MYO9A: variants seen among roughly 807,000 people sequenced by gnomAD.
The protein encoded by MYO9A is unconventional myosin-IXa.
A neutral mutation model predicts 293.3 loss-of-function variants in MYO9A; 103 were observed. The observed-to-expected ratio is 0.35, with a 90% CI of 0.30 to 0.41. The LOEUF (loss-of-function observed/expected upper bound fraction) is 0.41, where lower values mean the gene tolerates loss of function less well. Among genes scored for constraint, MYO9A ranks in the 10% least tolerant of loss-of-function variants. MYO9A has a pLI of 1.00. For missense variants in MYO9A, 2,685 were observed against 3,033.0 expected, an observed-to-expected ratio of 0.89 and a Z score of 2.69; for synonymous variants, 1,001 against 1,035.7, an observed-to-expected ratio of 0.97 and a Z score of 0.64.
At chr15:71,988,688 T>C (rs765208209) in intron 11 of MYO9A, among the ~76,000 whole-genome samples, 2 of 152,206 alleles carry the variant, frequency 1.3e-5, no homozygotes, top group African/African-American at 2.4e-5. Context: ...TCTGTAGACC[T>C]GCTAGCTGTT....
At chr15:71,858,596 G>A (rs573956047) in intron 34 of MYO9A, 138 of 151,214 alleles carry the variant, frequency 9.1e-4, no homozygotes, top group Non-Finnish European at 1.6e-3. Context: ...CCCTGAATGC[G>A]CCCGATCTCT....
chr15:71,932,993 A>G (rs2058521980), intron 18 of MYO9A, among the ~76,000 whole-genome samples: 2 of 151,908 alleles, frequency 1.3e-5, no homozygotes, highest in Admixed American at 1.3e-4. Context: ...TGAAACAACA[A>G]CCCCTGCAAA....
At chr15:72,046,759 T>C in intron 1 of MYO9A, 125 bp from the exon 2 acceptor site, 1 of 520,468 alleles carries the variant, frequency 1.9e-6, no homozygotes, top group South Asian at 5.3e-5. Flanking sequence ...ACTCTTGTCT[T>C]AGCACAGCAA....
chr15:71,996,266 A>C (rs1430720444), intron 9 of MYO9A, among the ~76,000 whole-genome samples: 1 of 152,218 alleles, frequency 6.6e-6, no homozygotes, highest in South Asian at 2.1e-4. Context: ...TATCACAATA[A>C]ATTTTATGAA....
At chr15:72,070,685 T>G (rs2079164656) in intron 1 of MYO9A, among the ~76,000 whole-genome samples, 1 of 151,702 alleles carries the variant, frequency 6.6e-6, no homozygotes, top group Admixed American at 6.6e-5. Context: ...TAAGATTCCA[T>G]CTCAAAAAAG....
chr15:71,932,993 AC>A (rs2058522050), intron 18 of MYO9A, among the ~76,000 whole-genome samples: 1 of 151,908 alleles, frequency 6.6e-6, no homozygotes, highest in Non-Finnish European at 1.5e-5. Context: ...TGAAACAACA[AC>A]CCCTGCAAAA....
At chr15:71,849,714 C>T (rs1429001638) in intron 38 of MYO9A, among the ~76,000 whole-genome samples, 4 of 42,496 alleles carry the variant, frequency 9.4e-5, no homozygotes, top group Non-Finnish European at 5.5e-4. Flanking sequence ...GATTCAGAGC[C>T]ATTAAGACCA....
At chr15:71,998,100 A>G (rs773745634) in intron 9 of MYO9A, among the ~76,000 whole-genome samples, 1 of 152,224 alleles carries the variant, frequency 6.6e-6, no homozygotes, top group African/African-American at 2.4e-5. Context: ...CACTGGATAA[A>G]TAAATGTGGT....
intron 18 of MYO9A, among the ~76,000 whole-genome samples, chr15:71,927,111 C>T (rs993111486): frequency 2.6e-5 from 4 of 152,208 alleles, no homozygotes; most frequent in African/African-American, 7.2e-5. Context: ...ACAGGAGCTG[C>T]ACTGTCAGGG....
chr15:71,947,590 T>C (rs2058949238), intron 15 of MYO9A, among the ~76,000 whole-genome samples: 1 of 152,226 alleles, frequency 6.6e-6, no homozygotes, highest in African/African-American at 2.4e-5. Context: ...GTTTCCCAGA[T>C]ATATCTGTTA....
chr15:71,915,163 T>C (rs1031761329), intron 19 of MYO9A, among the ~76,000 whole-genome samples: 1 of 152,136 alleles, frequency 6.6e-6, no homozygotes, highest in Admixed American at 6.5e-5. Flanking sequence ...CATGATTTTT[T>C]TTTCTATAAC....
chr15:72,050,657 A>T (rs1382146123), intron 1 of MYO9A, among the ~76,000 whole-genome samples: 4 of 152,090 alleles, frequency 2.6e-5, no homozygotes, highest in Non-Finnish European at 4.4e-5. Context: ...ATTTTTTTTT[A>T]AATGTACATT....
At chr15:72,042,379 G>A (rs2078254443) in intron 2 of MYO9A, among the ~76,000 whole-genome samples, 1 of 151,926 alleles carries the variant, frequency 6.6e-6, no homozygotes, top group African/African-American at 2.4e-5. Context: ...CCCTCATGAT[G>A]TAATTCACAT....
At chr15:71,897,414 T>C (rs2057360477) in intron 25 of MYO9A, 47 bp downstream of exon 25, 2 of 1,520,978 alleles carry the variant, frequency 1.3e-6, no homozygotes, top group African/African-American at 1.4e-5. Flanking sequence ...TTAATAAAAA[T>C]ACTCCAAGAA....
intron 39 of MYO9A, among the ~76,000 whole-genome samples, chr15:71,835,170 C>CAA (rs1370768040): frequency 6.6e-6 from 1 of 152,172 alleles, no homozygotes; most frequent in Non-Finnish European, 1.5e-5. Flanking sequence ...AAAGTACCTA[C>CAA]AAAAATTCTA....
In MYO9A at chr15:71,897,906, T is replaced by C. The variant is rs779563399; in HGVS notation, c.4597A>G (p.Ile1533Val). 3.1e-6 allele frequency: 5 copies of C among 1,614,020 alleles called. No homozygotes were observed. The African/African-American group carries it at 4.0e-5, about 13-fold the overall frequency. The change falls in exon 25 of 42, where the codon ATT becomes GTT. Residue 1533 changes from isoleucine to valine, a missense_variant. By Grantham distance (29) the Ile-to-Val change is conservative. This residue lies in a region of MYO9A where 1,434 missense variants were observed against 1,497.7 expected (regional missense o/e 0.96). Transcript: ENST00000356056. ...CACTCTCCAATTCTTGGCTTTTCAA[T>C]TGTCTTGAAGGCTTTGCGCTCCTTC... Reference protein sequence around the residue: ...LEKERKAFKTIEKPRIGECLV... With the variant: ...LEKERKAFKTVEKPRIGECLV...
chr15:72,082,125 A>G (rs1434331959), intron 1 of MYO9A, among the ~76,000 whole-genome samples: 1 of 152,252 alleles, frequency 6.6e-6, no homozygotes, highest in Non-Finnish European at 1.5e-5. Context: ...TTTGTGTAGT[A>G]TGGCCATTTT....
intron 1 of MYO9A, among the ~76,000 whole-genome samples, chr15:72,107,314 T>A (rs894823758): frequency 1.3e-5 from 2 of 152,146 alleles, no homozygotes; most frequent in Non-Finnish European, 2.9e-5. Context: ...TTTGGGAGGC[T>A]GAGGCAGGCA....
At chr15:72,085,260 G>A (rs2079680058) in intron 1 of MYO9A, among the ~76,000 whole-genome samples, 1 of 152,112 alleles carries the variant, frequency 6.6e-6, no homozygotes, top group African/African-American at 2.4e-5. Flanking sequence ...GGGTGTGGTG[G>A]CACAGGCCTG....
Sources: gnomAD v4.1 joint callset for allele counts (sites outside exome capture counted in the v4.1 genomes callset) on GRCh38, gnomAD v4.1.1 for gene constraint, gnomAD v4.1.1 regional missense constraint, MANE v1.5 for transcripts, NCBI Gene and HGNC (gene_info 2026-07-23, HGNC 2026-07-21) for gene names.